The following ANAPC1 variants were observed in gnomAD, a reference collection of about 807,000 sequenced individuals.
The protein encoded by ANAPC1 is anaphase promoting complex subunit 1.
A neutral mutation model predicts 208.0 loss-of-function variants in ANAPC1; 36 were observed. The observed-to-expected ratio is 0.17, with a 90% confidence interval of 0.13 to 0.23. The LOEUF is 0.23. Ranked by LOEUF, ANAPC1 falls within the 10% of genes least tolerant of loss-of-function variation. The pLI is 1.00. For missense variants in ANAPC1, 942 were observed against 2,011.6 expected, an observed-to-expected ratio of 0.47 and a Z score of 10.17; for synonymous variants, 378 against 695.2, an observed-to-expected ratio of 0.54 and a Z score of 7.18.
chr2:111,843,076 A>AG (rs1213655568), intron 17 of ANAPC1, among the ~76,000 whole-genome samples: 1 of 152,252 alleles, frequency 6.6e-6, no homozygotes, highest in Non-Finnish European at 1.5e-5. Context: ...AAAAAACCAC[A>AG]GATCTGTGAT....
intron 21 of ANAPC1, among the ~76,000 whole-genome samples, chr2:111,828,750 T>C (rs1573408964): frequency 6.6e-6 from 1 of 152,178 alleles, no homozygotes; most frequent in East Asian, 1.9e-4. Context: ...AGAGACAAAT[T>C]CATAAGAAAC....
intron 32 of ANAPC1, chr2:111,802,932 A>G (rs1678511756): frequency 9.2e-6 from 2 of 216,512 alleles, no homozygotes; most frequent in South Asian, 4.8e-5. Context: ...CTTGTACTCA[A>G]CTTATTCCTC....
chr2:111,843,820 CT>C (rs369036574), intron 16 of ANAPC1, among the ~76,000 whole-genome samples: 19 of 86,814 alleles, frequency 2.2e-4, no homozygotes, highest in Middle Eastern at 9.6e-3. Context: ...CTGAAGACAG[CT>C]TTTTTTTTTT....
intron 7 of ANAPC1, chr2:111,866,370 T>C (rs1312357365): frequency 4.4e-6 from 1 of 227,886 alleles, no homozygotes; most frequent in Non-Finnish European, 8.6e-6. Context: ...GAATCCACCT[T>C]GTAAAGCCCA....
rs554619780 is a variant in ANAPC1, at chr2:111,880,617, T to C, written c.209A>G (p.Gln70Arg). The change falls in exon 2 of 48, where the codon CAG (glutamine) becomes CGG (arginine). Residue 70 changes from glutamine to arginine, a missense_variant. Physicochemically the swap from Gln to Arg is conservative, Grantham distance 43. Coordinates refer to ENST00000341068, the MANE Select transcript of ANAPC1 (RefSeq NM_022662.4). ...SLQEVTIHEK[Q>R]KESWQLRKGV... ...CAATGGGAAACTCAATGGAACCTTCTGTTTCTCGTGGATTGTAACCTCCTG... is the reference window on the plus strand; with the variant it reads ...CAATGGGAAACTCAATGGAACCTTCCGTTTCTCGTGGATTGTAACCTCCTG... 2 of 1,609,176 alleles carry C rather than the reference T, an allele frequency of 1.2e-6. No homozygotes were observed. The highest frequency in any genetic ancestry group is 2.2e-5 in the South Asian group (2 of 90,648).
At chr2:111,880,230 G>A (rs1683228388) in intron 2 of ANAPC1, among the ~76,000 whole-genome samples, 1 of 151,836 alleles carries the variant, frequency 6.6e-6, no homozygotes, top group South Asian at 2.1e-4. Flanking sequence ...AAAATTAGTA[G>A]GGGTGGTGGT....
At chr2:111,862,161 C>T (rs1558731937) in intron 10 of ANAPC1, among the ~76,000 whole-genome samples, 1 of 151,798 alleles carries the variant, frequency 6.6e-6, no homozygotes, top group Non-Finnish European at 1.5e-5. Context: ...GCTTCAGCCT[C>T]CCAAAGTGCT....
At chr2:111,857,055 C>G (rs1681768108) in intron 11 of ANAPC1, 169 bp from the exon 12 acceptor site, 2 of 570,926 alleles carry the variant, frequency 3.5e-6, no homozygotes, top group Non-Finnish European at 6.3e-6. Flanking sequence ...TAGTGGTTAC[C>G]AGGATCAGTG....
chr2:111,864,663 T>C (rs186261408), intron 8 of ANAPC1, 143 bp downstream of exon 8: 1 of 1,357,812 alleles, frequency 7.4e-7, no homozygotes, highest in South Asian at 1.4e-5. Context: ...GGTTTCACCA[T>C]GTTGGCCAGG....
chr2:111,789,522 A>G (rs1677760514), intron 38 of ANAPC1, among the ~76,000 whole-genome samples: 1 of 146,436 alleles, frequency 6.8e-6, no homozygotes, highest in Admixed American at 6.9e-5. Flanking sequence ...CTTATAATTC[A>G]TTATATATGC....
Position 111,856,671 on chromosome 2 carries a change from G to A in ANAPC1, c.1458C>T (p.Asp486=), listed in dbSNP as rs776236286. 2 of 1,613,890 alleles carry A rather than the reference G, an allele frequency of 1.2e-6. No individual in the cohort carries two copies. Among genetic ancestry groups the A allele is most frequent in the South Asian group, 1.1e-5 (1 of 91,070 alleles). The part of the protein sequence containing the change: ...AKDAAPVEKI[D]TMLVLEGSGN... ...CACTGCCTTCCAAGACCAGCATGGT[G>A]TCTATTTTCTAAAAAAACAAAAAAG... Residue 486 remains aspartate (D), a synonymous_variant, in exon 13 of 48, where the codon GAC becomes GAT. Coordinates refer to ENST00000341068, the MANE Select transcript of ANAPC1 (RefSeq NM_022662.4).
chr2:111,867,461 T>A (rs1332720953), intron 7 of ANAPC1, among the ~76,000 whole-genome samples: 1 of 151,808 alleles, frequency 6.6e-6, no homozygotes, highest in African/African-American at 2.4e-5. Context: ...GAGGCCGAGG[T>A]GGGTGGATCA....
chr2:111,790,934 T>TTG (rs1383111714), intron 38 of ANAPC1, among the ~76,000 whole-genome samples: 1 of 151,848 alleles, frequency 6.6e-6, no homozygotes, highest in African/African-American at 2.4e-5. Flanking sequence ...AAACAGGGAG[T>TTG]TGTTCAATGG....
At chr2:111,855,688 CTG>C (rs997436351) in intron 13 of ANAPC1, among the ~76,000 whole-genome samples, 19 of 152,172 alleles carry the variant, frequency 1.2e-4, no homozygotes, top group African/African-American at 4.1e-4. Flanking sequence ...ACATACATAA[CTG>C]TAAAAACTAG....
chr2:111,857,314 A>G (rs536455089), intron 11 of ANAPC1, among the ~76,000 whole-genome samples: 2 of 152,382 alleles, frequency 1.3e-5, no homozygotes, highest in Non-Finnish European at 2.9e-5. Context: ...AATGCAAGGT[A>G]CACAGGACTT....
At chr2:111,858,885 A>C (rs1405607683) in intron 10 of ANAPC1, among the ~76,000 whole-genome samples, 1 of 152,102 alleles carries the variant, frequency 6.6e-6, no homozygotes, top group Admixed American at 6.5e-5. Flanking sequence ...CATGATCTCT[A>C]AGATCCTTTC....
intron 6 of ANAPC1, among the ~76,000 whole-genome samples, chr2:111,869,632 G>A (rs1682631995): frequency 6.6e-6 from 1 of 152,240 alleles, no homozygotes; most frequent in Admixed American, 6.5e-5. Context: ...AGTGCGTAGA[G>A]TTCATGAGTG....
chr2:111,864,150 G>C lies in ANAPC1; in HGVS notation c.832-255C>G, dbSNP rs1682255481. Among the ~76,000 whole-genome samples, 3 of 151,938 alleles carry C rather than the reference G, an allele frequency of 2.0e-5. No homozygotes were observed. The South Asian group carries it at 6.2e-4, about 32-fold the overall frequency. On this transcript the variant is annotated intron_variant, in intron 8 of 47. Coordinates refer to ENST00000341068, the MANE Select transcript of ANAPC1 (RefSeq NM_022662.4). ...AAGACCAGCCTGGGCAACATAGCAA[G>C]ATCCCATCTCTACAAAAAATTAAAA...
At chr2:111,821,530 C>T (rs1679534678) in intron 25 of ANAPC1, 77 bp from the exon 26 acceptor site, 3 of 1,475,796 alleles carry the variant, frequency 2.0e-6, no homozygotes, top group Non-Finnish European at 2.8e-6. Flanking sequence ...GATATATAGG[C>T]TGATGTGTCT....
Sources: gnomAD v4.1 joint callset for allele counts (sites outside exome capture counted in the v4.1 genomes callset) on GRCh38, gnomAD v4.1.1 for gene constraint, MANE v1.5 for transcripts, NCBI Gene and HGNC (gene_info 2026-07-23, HGNC 2026-07-21) for gene names.